Variants in KMT2C observed in about 807,000 individuals in gnomAD.
KMT2C encodes lysine methyltransferase 2C, also known as histone-lysine N-methyltransferase 2C.
KMT2C carries 88 observed loss-of-function variants against 507.9 expected under a neutral mutation model. That is an observed-to-expected ratio of 0.17 (90% CI 0.15 to 0.21). The LOEUF (loss-of-function observed/expected upper bound fraction) is 0.21, where lower values mean the gene tolerates loss of function less well. Among genes scored for constraint, KMT2C ranks in the 10% least tolerant of loss-of-function variants. The pLI, the probability that KMT2C is intolerant of heterozygous loss-of-function variation, is 1.00. For missense variants in KMT2C, 4,954 were observed against 5,957.8 expected (o/e 0.83, Z 5.55); for synonymous variants, 2,049 against 2,080.8 (o/e 0.98, Z 0.42).
intron 6 of KMT2C, among the ~76,000 whole-genome samples, chr7:152,302,372 C>T (rs7780300): frequency 1.3e-5 from 2 of 151,812 alleles, no homozygotes; most frequent in African/African-American, 2.4e-5. Context: ...TACAGGCACA[C>T]GTCACCATGC....
At chr7:152,242,901 A>G (rs58866908) in intron 14 of KMT2C, among the ~76,000 whole-genome samples, 1,651 of 152,302 alleles carry the variant, frequency 0.011, 28 homozygotes, top group African/African-American at 0.038. Context: ...CTTCCAACAT[A>G]CTATGTAAAA....
At chr7:152,233,968 G>C (rs149666240) in intron 16 of KMT2C, among the ~76,000 whole-genome samples, 1,835 of 149,078 alleles carry the variant, frequency 0.012, 42 homozygotes, top group African/African-American at 0.044. Flanking sequence ...AACCCCATCT[G>C]TACCCAAAAC....
chr7:152,256,122 A>G (rs2129169014), intron 9 of KMT2C, among the ~76,000 whole-genome samples: 1 of 152,294 alleles, frequency 6.6e-6, no homozygotes, highest in African/African-American at 2.4e-5. Flanking sequence ...ATGACCCAAG[A>G]TTGAGCCACT....
intron 2 of KMT2C, among the ~76,000 whole-genome samples, chr7:152,342,472 C>A (rs974216521): frequency 6.6e-6 from 1 of 151,990 alleles, no homozygotes; most frequent in Non-Finnish European, 1.5e-5. Context: ...ATGTAAAAAG[C>A]TAAACTGAAA....
intron 1 of KMT2C, among the ~76,000 whole-genome samples, chr7:152,425,183 G>C (rs991847728): frequency 1.3e-5 from 2 of 152,286 alleles, no homozygotes; most frequent in Admixed American, 6.5e-5. Flanking sequence ...CTGGGGCTCA[G>C]TTATCTATAA....
At chr7:152,141,712 C>T (rs1350531838) in intron 55 of KMT2C, among the ~76,000 whole-genome samples, 22 of 61,882 alleles carry the variant, frequency 3.6e-4, no homozygotes, top group Non-Finnish European at 6.9e-4. Flanking sequence ...GACTCTGTCT[C>T]AAAAAAAAAA....
At chr7:152,204,698 TATATG>T (rs1270889588) in intron 25 of KMT2C, among the ~76,000 whole-genome samples, 3 of 152,130 alleles carry the variant, frequency 2.0e-5, no homozygotes, top group Non-Finnish European at 4.4e-5. Context: ...AATTTCAAAT[TATATG>T]ATAAGTAGCT....
chr7:152,148,461 A>G lies in KMT2C; in HGVS notation c.13466T>C (p.Ile4489Thr). 6.2e-7 allele frequency: 1 copy of G among 1,614,252 alleles called. No individual in the cohort carries two copies. Among genetic ancestry groups the G allele is most frequent in the Non-Finnish European group, 8.5e-7 (1 of 1,180,052 alleles). The change falls in exon 52 of 59, where the codon ATT becomes ACT. Residue 4489 changes from isoleucine (I) to threonine (T), a missense_variant. Coordinates refer to ENST00000262189, the MANE Select transcript of KMT2C (RefSeq NM_170606.3). This position sits in a 1 kb window ranked among gnomAD's most constrained non-coding sequence, Gnocchi z 7.1. ...CTNIYHFTCA[I>T]KAQCMFFKDK... is the part of the protein sequence containing the mutation. The stretch of plus-strand genomic sequence containing the variant: ...CTTAAAAAACATGCATTGTGCTTTA[A>G]TGGCGCAAGTGAAGTGATAAATGTT...
At chr7:152,262,456 C>T (rs151126338) in intron 9 of KMT2C, among the ~76,000 whole-genome samples, 496 of 152,308 alleles carry the variant, frequency 3.3e-3, no homozygotes, top group African/African-American at 0.011. Context: ...CGGCTCTGAA[C>T]GCCTCACCCT....
chr7:152,368,281 A>G, intron 1 of KMT2C: 1 of 1,094,078 alleles, frequency 9.1e-7, no homozygotes, highest in Non-Finnish European at 1.4e-6. Context: ...GAACTACAGA[A>G]GCAGAAAACT....
intron 34 of KMT2C, among the ~76,000 whole-genome samples, chr7:152,184,319 C>T (rs773179872): frequency 2.0e-5 from 3 of 151,904 alleles, no homozygotes; most frequent in Non-Finnish European, 4.4e-5. Context: ...AATATGTGCA[C>T]TGGGGAACAA....
chr7:152,197,555 G>C (rs890289238), intron 27 of KMT2C, among the ~76,000 whole-genome samples: 1 of 151,974 alleles, frequency 6.6e-6, no homozygotes, highest in Non-Finnish European at 1.5e-5. Context: ...TTTCAATAAT[G>C]ACAACACTGT....
intron 2 of KMT2C, among the ~76,000 whole-genome samples, chr7:152,356,100 C>A (rs79779537): frequency 6.6e-6 from 1 of 152,000 alleles, no homozygotes; most frequent in African/African-American, 2.4e-5. Context: ...AAACAACATA[C>A]GGGTAGGGAT....
intron 9 of KMT2C, 65 bp downstream of exon 9, chr7:152,262,951 G>A (rs759741236): frequency 1.8e-5 from 21 of 1,196,528 alleles, no homozygotes; most frequent in East Asian, 7.3e-5. Flanking sequence ...ATAGGTATCC[G>A]ATTTGTCTGG....
intron 31 of KMT2C, among the ~76,000 whole-genome samples, chr7:152,189,520 A>G (rs1588070810): frequency 2.6e-5 from 4 of 152,340 alleles, no homozygotes; most frequent in Admixed American, 6.5e-5. Context: ...GATTAAAAAA[A>G]AAGTCTCATA....
chr7:152,281,089 C>T (rs1563706618), intron 6 of KMT2C, among the ~76,000 whole-genome samples: 1 of 151,982 alleles, frequency 6.6e-6, no homozygotes, highest in Admixed American at 6.6e-5. Flanking sequence ...AGAAATAGGT[C>T]CCTAATAGCT....
chr7:152,291,951 GA>G (rs74372723), intron 6 of KMT2C, among the ~76,000 whole-genome samples: 1 of 152,178 alleles, frequency 6.6e-6, no homozygotes, highest in South Asian at 2.1e-4. Context: ...ATAAGCCATT[GA>G]AAAACTTACT....
In KMT2C at chr7:152,177,863, T is replaced by C; in HGVS notation, c.7590A>G (p.Gln2530=). Residue 2530 remains glutamine, a synonymous_variant, in exon 38 of 59, where the codon CAA becomes CAG. Transcript: ENST00000262189. The part of the protein sequence containing the change: ...VDMPRPLNNS[Q]MNNPVGLPQH... ...GAGGAAGTCCAACTGGATTATTCAT[T>C]TGTGAGTTATTTAAAGGCCTAGGCA... is the stretch of plus-strand genomic sequence containing the variant. The C allele has an allele frequency of 6.2e-7, 1 of 1,613,636 alleles. No homozygotes were observed. The highest frequency in any genetic ancestry group is 1.1e-5 in the South Asian group (1 of 91,062).
At chr7:152,305,546 C>A (rs972599367) in intron 6 of KMT2C, among the ~76,000 whole-genome samples, 4 of 150,474 alleles carry the variant, frequency 2.7e-5, no homozygotes, top group Admixed American at 1.3e-4. Flanking sequence ...TACAGGTTAG[C>A]AAGGAATCTT....
Sources: gnomAD v4.1 joint callset for allele counts (sites outside exome capture counted in the v4.1 genomes callset) on GRCh38, gnomAD v4.1.1 for gene constraint, Gnocchi (gnomAD v3.1) non-coding constraint, MANE v1.5 for transcripts, NCBI Gene and HGNC (gene_info 2026-07-23, HGNC 2026-07-21) for gene names.